The following TTYH2 variants were observed in gnomAD, a reference collection of about 807,000 sequenced individuals.
TTYH2 encodes protein tweety homolog 2.
TTYH2 carries 49 observed loss-of-function variants against 68.3 expected under a neutral mutation model. The ratio of observed to expected loss-of-function variants is 0.72; its 90% CI spans 0.57 to 0.91. The LOEUF (loss-of-function observed/expected upper bound fraction) is 0.91, where lower values mean the gene tolerates loss of function less well. Among genes scored for constraint, TTYH2 ranks in the 40% least tolerant of loss-of-function variants. The probability of loss-of-function intolerance (pLI) is 0.00; values close to 1 mark genes in which losing one functional copy is unlikely to be tolerated. For synonymous variants in TTYH2, 272 were observed against 300.8 expected, an observed-to-expected ratio of 0.90 and a Z score of 0.99; for missense variants, 631 against 700.4, an observed-to-expected ratio of 0.90 and a Z score of 1.12.
intron 4 of TTYH2, among the ~76,000 whole-genome samples, chr17:74,243,023 C>T (rs527649741): frequency 0.017 from 1,750 of 105,034 alleles, 34 homozygotes; most frequent in African/African-American, 0.064. Flanking sequence ...TTGCACAAGC[C>T]ATATTTCAAG....
Position 74,222,558 on chromosome 17 carries a change from T to G in TTYH2, c.203T>G (p.Val68Gly). The change falls in exon 2 of 14, where the codon GTC becomes GGC. Residue 68 changes from valine to glycine, a missense_variant. Val to Gly is a moderately radical substitution (Grantham distance 109). Coordinates refer to ENST00000269346, the MANE Select transcript of TTYH2 (RefSeq NM_032646.6). The surrounding 1 kb of genome is among the most constrained non-coding windows in gnomAD (Gnocchi z 5.2). ...LNLIFLVAYL[V>G]CACHCRRDDA... ...CTCATCTTCCTTGTGGCTTACCTGG[T>G]CTGTGCATGCCACTGCCGGCGGGAC... The G allele has an allele frequency of 6.2e-7, 1 of 1,612,794 alleles. No individual in the cohort carries two copies. Among genetic ancestry groups the G allele is most frequent in the Non-Finnish European group, 8.5e-7 (1 of 1,180,010 alleles).
At chr17:74,249,492 G>A in intron 8 of TTYH2, 93 bp downstream of exon 8, 2 of 1,383,996 alleles carry the variant, frequency 1.4e-6, no homozygotes, top group Non-Finnish European at 2.0e-6. Flanking sequence ...GAGGTGGCAG[G>A]GCCTTGCTTG....
rs2050383472 is a variant in TTYH2, at chr17:74,231,005, G to C, written c.414+6G>C. ...TCTCTGGGATCGATGCTCTGGTAAG[G>C]CTCCCGGGCAGCTGGCCGGGTACAG... On this transcript the variant is annotated splice_donor_region_variant and intron_variant, in intron 3 of 13. Coordinates refer to ENST00000269346, the MANE Select transcript of TTYH2 (RefSeq NM_032646.6). 1.2e-6 allele frequency: 2 copies of C among 1,613,116 alleles called. No homozygotes were observed. Among genetic ancestry groups the C allele is most frequent in the Non-Finnish European group, 8.5e-7 (1 of 1,179,608 alleles).
chr17:74,259,178 G>C (rs756281550), intron 13 of TTYH2, among the ~76,000 whole-genome samples: 6 of 152,086 alleles, frequency 3.9e-5, no homozygotes, highest in Non-Finnish European at 7.4e-5. Flanking sequence ...AACACTGATA[G>C]CTCTTTAAAT....
rs542048479 is a variant in TTYH2 at position 74,237,407 on chromosome 17, G to T, written c.528G>T (p.Gln176His). 1.2e-6 allele frequency: 2 copies of T among 1,614,188 alleles called. No individual in the cohort carries two copies. Among genetic ancestry groups the T allele is most frequent in the South Asian group, 2.2e-5 (2 of 91,088 alleles). ...DYLQTLKFIQQMAGSVVVQLS... is the reference protein window; with the variant it reads ...DYLQTLKFIQHMAGSVVVQLS... ...TGCAGACCCTGAAGTTCATACAGCA[G>T]ATGGCGGGCAGCGTTGTTGTTCAGC... The change falls in exon 4 of 14, where the codon CAG becomes CAT. Residue 176 changes from glutamine to histidine, a missense_variant. Physicochemically the swap from Gln to His is conservative, Grantham distance 24. Coordinates refer to ENST00000269346, the MANE Select transcript of TTYH2 (RefSeq NM_032646.6).
chr17:74,238,476 G>T (rs2050466453), intron 4 of TTYH2, among the ~76,000 whole-genome samples: 1 of 151,796 alleles, frequency 6.6e-6, no homozygotes, highest in Non-Finnish European at 1.5e-5. Context: ...ATGGCTCATT[G>T]TAGCCTTGAA....
At position 74,221,244 on chromosome 17, in the gene TTYH2, C is replaced by T. The variant is rs75280678; in HGVS notation, c.130-1241C>T. 3.3e-5 allele frequency among the ~76,000 whole-genome samples: 5 copies of T among 152,356 alleles called. No individual in the cohort carries two copies. The East Asian group carries it at 9.6e-4, about 29-fold the overall frequency. ...GCAGTCCATGTCAGAGGCCCGAAGACCTGCCCGCATCTCACAGGGCTGGCA... is the reference window on the plus strand; with the variant it reads ...GCAGTCCATGTCAGAGGCCCGAAGATCTGCCCGCATCTCACAGGGCTGGCA... On this transcript the variant is annotated intron_variant, in intron 1 of 13. Transcript: ENST00000269346.
At chr17:74,255,507 A>C (rs2050684887) in intron 13 of TTYH2, among the ~76,000 whole-genome samples, 1 of 151,628 alleles carries the variant, frequency 6.6e-6, no homozygotes, top group Non-Finnish European at 1.5e-5. Context: ...GCTGGAGTGC[A>C]GTGATGTCAT....
In TTYH2 at chr17:74,215,835, A is replaced by C. The variant is rs1202375434; in HGVS notation, c.129+2119A>C. Reference sequence around the variant, plus strand: ...AGTCTTCAGCAAGCTTGACTGGAGCAAGTGCTATGCCAGGCGTGGGGTGAC... The same window carrying C: ...AGTCTTCAGCAAGCTTGACTGGAGCCAGTGCTATGCCAGGCGTGGGGTGAC... On this transcript the variant is annotated intron_variant, in intron 1 of 13. Coordinates refer to ENST00000269346, the MANE Select transcript of TTYH2 (RefSeq NM_032646.6). This position sits in a 1 kb window ranked among gnomAD's most constrained non-coding sequence, Gnocchi z 4.3. 4.1e-6 allele frequency: 4 copies of C among 981,068 alleles called. No homozygotes were observed. Among genetic ancestry groups the C allele is most frequent in the Non-Finnish European group, 6.1e-6 (4 of 651,926 alleles). The allele number at this position is 981,068 out of a possible 1,614,324, so 60.8% of individuals were successfully genotyped here. A position where few individuals can be genotyped will look rare whatever the true frequency, so the allele number is the denominator to read the frequency against.
rs1161381466 is a variant in TTYH2, at chr17:74,260,204, G to A, written c.1600G>A (p.Ala534Thr). ...GAGGCACTACGGGAATCAGTTTCCAGCCTAACAGACTTTCGGGGGTTCCTG... is the reference window on the plus strand; with the variant it reads ...GAGGCACTACGGGAATCAGTTTCCAACCTAACAGACTTTCGGGGGTTCCTG... Reference protein sequence around the residue: ...HLRHYGNQFPA With the variant: ...HLRHYGNQFPT Residue 534 changes from alanine (A) to threonine (T), a missense_variant, in exon 14 of 14, where the codon GCC becomes ACC. Transcript: ENST00000269346. The A allele has an allele frequency of 6.2e-7, 1 of 1,613,960 alleles. No individual in the cohort carries two copies. The highest frequency in any genetic ancestry group is 8.5e-7 in the Non-Finnish European group (1 of 1,179,938).
rs1205611198 is a variant in TTYH2, at chr17:74,241,825, G to A, written c.636-1549G>A. ...CTCCTCTGTCCACTCTCCCGCTGGT[G>A]CCCAGCACAGGGTAAAGGGCATGGC... On this transcript the variant is annotated intron_variant, in intron 4 of 13. Transcript: ENST00000269346. The surrounding 1 kb of genome is among the most constrained non-coding windows in gnomAD (Gnocchi z 4.1). Among the ~76,000 whole-genome samples the A allele has an allele frequency of 1.3e-5, 2 of 152,224 alleles. No individual in the cohort carries two copies. The highest frequency in any genetic ancestry group is 2.9e-5 in the Non-Finnish European group (2 of 68,032).
intron 2 of TTYH2, among the ~76,000 whole-genome samples, chr17:74,227,712 G>C (rs796506785): frequency 9.9e-5 from 15 of 151,740 alleles, no homozygotes; most frequent in African/African-American, 3.4e-4. Context: ...GTGTGTGTAA[G>C]AGAGAGACAG....
In TTYH2 at chr17:74,249,986, G is replaced by A. The variant is rs150861871; in HGVS notation, c.981G>A (p.Ala327=). Residue 327 remains alanine, a synonymous_variant, in exon 9 of 14, where the codon GCG becomes GCA. Coordinates refer to ENST00000269346, the MANE Select transcript of TTYH2 (RefSeq NM_032646.6). ...TTACCACCATGCAGATCCAGGTCGC[G>A]GGGCTGCTGCAGTTTGCCGTGCCCC... ...RALTTMQIQV[A]GLLQFAVPLF... The A allele has an allele frequency of 2.0e-4, 318 of 1,614,096 alleles. No homozygotes were observed. The African/African-American group carries it at 3.1e-3, about 16-fold the overall frequency.
At chr17:74,253,682 C>A (rs1298456945) in intron 12 of TTYH2, 73 bp from the exon 13 acceptor site, 43 of 1,476,216 alleles carry the variant, frequency 2.9e-5, no homozygotes, top group Non-Finnish European at 3.8e-5. Context: ...ACCCATGGGA[C>A]CCTCCTGTAG....
rs918437391 is a variant in TTYH2, at chr17:74,217,274, G to A, written c.129+3558G>A. On this transcript the variant is annotated intron_variant, in intron 1 of 13. Coordinates refer to ENST00000269346, the MANE Select transcript of TTYH2 (RefSeq NM_032646.6). This position sits in a 1 kb window ranked among gnomAD's most constrained non-coding sequence, Gnocchi z 4.0. ...CAGCTTCCCTTGCCCAGGATCAGCC[G>A]ACCAGCTGCTCTTTGGGGACATGTG... is the stretch of plus-strand genomic sequence containing the variant. Among the ~76,000 whole-genome samples the A allele has an allele frequency of 4.6e-5, 7 of 152,354 alleles. No individual in the cohort carries two copies. The highest frequency in any genetic ancestry group is 3.4e-3 in the Middle Eastern group (1 of 294).
intron 12 of TTYH2, among the ~76,000 whole-genome samples, 191 bp from the exon 13 acceptor site, chr17:74,253,564 T>G (rs9907739): frequency 6.6e-6 from 1 of 151,884 alleles, no homozygotes; most frequent in South Asian, 2.1e-4. Context: ...CCGTTGCCCA[T>G]CAGCCACTTG....
In TTYH2 at chr17:74,248,969, T is replaced by C. The variant is rs371464085; in HGVS notation, c.805-42T>C. ...TCCTCCCAGGGCCCCGCTGTCCTGA[T>C]ACCTGATTTTCCTCCACCCCGTCCC... On this transcript the variant is annotated intron_variant, in intron 6 of 13. Transcript: ENST00000269346. The C allele has an allele frequency of 4.3e-6, 7 of 1,613,592 alleles. No individual in the cohort carries two copies. The African/African-American group carries it at 6.7e-5, about 15-fold the overall frequency.
chr17:74,242,172 A>G (rs112224587), intron 4 of TTYH2, among the ~76,000 whole-genome samples: 2,376 of 152,250 alleles, frequency 0.016, 50 homozygotes, highest in African/African-American at 0.043. Context: ...CTGGGGTGTG[A>G]CTGCCTTTCC....
rs150179747 is a variant in TTYH2, at chr17:74,223,554, C to G, written c.302+897C>G. The stretch of plus-strand genomic sequence containing the variant: ...GGCCTTAAAGTGAGGATTTATAACT[C>G]CCGTGCAGGAGTCCATACCCAGCCC... On this transcript the variant is annotated intron_variant, in intron 2 of 13. Coordinates refer to ENST00000269346, the MANE Select transcript of TTYH2 (RefSeq NM_032646.6). 9.3e-3 allele frequency among the ~76,000 whole-genome samples: 1,413 copies of G among 152,302 alleles called. 21 individuals are homozygous for G. Among genetic ancestry groups the G allele is most frequent in the African/African-American group, 0.032 (1,337 of 41,564 alleles).
Sources: allele counts gnomAD v4.1 joint callset (sites outside exome capture counted in the v4.1 genomes callset), GRCh38; gene constraint gnomAD v4.1.1; non-coding constraint Gnocchi (gnomAD v3.1); transcripts MANE v1.5; gene names NCBI Gene and HGNC (gene_info 2026-07-23, HGNC 2026-07-21).